The following CNTNAP2 variants were observed in gnomAD, a reference collection of about 807,000 sequenced individuals.
CNTNAP2 encodes contactin-associated protein-like 2.
Under a neutral mutation model 155.2 loss-of-function variants are expected in CNTNAP2, and 98 were observed. The ratio of observed to expected loss-of-function variants is 0.63; its 90% CI spans 0.54 to 0.75. The LOEUF is 0.75. CNTNAP2 is among the 30% of genes least tolerant of loss of function. The pLI, the probability that CNTNAP2 is intolerant of heterozygous loss-of-function variation, is 0.00. For synonymous variants in CNTNAP2, 651 were observed against 631.2 expected (o/e 1.03, Z -0.47); for missense variants, 1,727 against 1,688.1 (o/e 1.02, Z -0.40).
intron 15 of CNTNAP2, among the ~76,000 whole-genome samples, chr7:148,100,977 G>A (rs547811923): frequency 6.6e-6 from 1 of 152,196 alleles, no homozygotes; most frequent in Admixed American, 6.5e-5. Context: ...CATGTCCTTT[G>A]TAGGGACATG....
intron 3 of CNTNAP2, among the ~76,000 whole-genome samples, chr7:147,030,349 T>C (rs1799005924): frequency 6.6e-6 from 1 of 152,210 alleles, no homozygotes; most frequent in Non-Finnish European, 1.5e-5. Flanking sequence ...TTGAGTATTA[T>C]GCTTCTGCAA....
At chr7:148,353,816 G>A (rs1798468426) in intron 21 of CNTNAP2, among the ~76,000 whole-genome samples, 1 of 151,994 alleles carries the variant, frequency 6.6e-6, no homozygotes, top group Non-Finnish European at 1.5e-5. Context: ...ACATTTTTGG[G>A]GTACAAATTA....
At chr7:147,734,213 T>A (rs987778795) in intron 13 of CNTNAP2, among the ~76,000 whole-genome samples, 13 of 152,072 alleles carry the variant, frequency 8.5e-5, no homozygotes, top group African/African-American at 3.1e-4. Context: ...TTATTGAGAG[T>A]TTTTAGCATG....
At chr7:146,698,865 T>A (rs1206506363) in intron 1 of CNTNAP2, among the ~76,000 whole-genome samples, 1 of 152,144 alleles carries the variant, frequency 6.6e-6, no homozygotes, top group Non-Finnish European at 1.5e-5. Flanking sequence ...TATTGACATA[T>A]CTTCAAACAC....
chr7:147,979,318 CT>C (rs1801483632), intron 15 of CNTNAP2, among the ~76,000 whole-genome samples: 1 of 152,114 alleles, frequency 6.6e-6, no homozygotes, highest in South Asian at 2.1e-4. Flanking sequence ...TTAATTTCAA[CT>C]GCCTAAGAAA....
chr7:147,411,934 AAAAT>A (rs895536036), intron 10 of CNTNAP2, among the ~76,000 whole-genome samples: 2 of 152,226 alleles, frequency 1.3e-5, no homozygotes, highest in African/African-American at 4.8e-5. Flanking sequence ...CTTCCAGAAA[AAAAT>A]ATTTGATGCA....
At chr7:146,526,538 C>G (rs1020367817) in intron 1 of CNTNAP2, among the ~76,000 whole-genome samples, 2 of 152,130 alleles carry the variant, frequency 1.3e-5, no homozygotes, top group African/African-American at 4.8e-5. Context: ...GTCACAAGGA[C>G]AGCACCAAGG....
intron 11 of CNTNAP2, among the ~76,000 whole-genome samples, chr7:147,492,500 C>T (rs529618199): frequency 1.6e-4 from 25 of 152,130 alleles, no homozygotes; most frequent in Non-Finnish European, 3.4e-4. Context: ...ATAACATGAA[C>T]ATAAAAATCT....
intron 18 of CNTNAP2, among the ~76,000 whole-genome samples, chr7:148,202,121 C>T (rs190843332): frequency 3.9e-5 from 6 of 152,018 alleles, no homozygotes; most frequent in East Asian, 2.0e-4. Context: ...CAAGGAGTTG[C>T]GGTATTTCAT....
At chr7:148,191,271 T>C (rs1795199713) in intron 18 of CNTNAP2, among the ~76,000 whole-genome samples, 1 of 152,022 alleles carries the variant, frequency 6.6e-6, no homozygotes. Context: ...TCTCTCTCTC[T>C]CTCCCTCTCC....
At chr7:147,590,861 G>T (rs10262765) in intron 12 of CNTNAP2, among the ~76,000 whole-genome samples, 103,836 of 152,090 alleles carry the variant, frequency 0.68, 35,898 homozygotes, top group African/African-American at 0.78. Context: ...TTAAATGAGG[G>T]ATTGGAACAT....
intron 4 of CNTNAP2, among the ~76,000 whole-genome samples, chr7:147,099,339 A>C (rs536907611): frequency 6.6e-6 from 1 of 152,244 alleles, no homozygotes; most frequent in South Asian, 2.1e-4. Context: ...TGGGAAGACC[A>C]GTCCCTCTAG....
chr7:147,027,004 G>GAAAAAAAAAAAAAAAAAAAAAAGAA (rs57810224), intron 3 of CNTNAP2, among the ~76,000 whole-genome samples: 1 of 67,440 alleles, frequency 1.5e-5, no homozygotes, highest in Non-Finnish European at 2.9e-5. Flanking sequence ...AAACAGAACA[G>GAAAAAAAAAAAAAAAAAAAAAAGAA]AAAAAAAAAA....
At chr7:147,043,607 A>G (rs1481779849) in intron 3 of CNTNAP2, among the ~76,000 whole-genome samples, 1 of 152,228 alleles carries the variant, frequency 6.6e-6, no homozygotes. Context: ...TTAAATGCAA[A>G]ATATTAGAAC....
chr7:147,370,665 A>C (rs1033190707), intron 9 of CNTNAP2, among the ~76,000 whole-genome samples: 4 of 152,124 alleles, frequency 2.6e-5, no homozygotes, highest in African/African-American at 9.7e-5. Context: ...TAGATACCCA[A>C]TATATAGATA....
At chr7:148,247,625 C>CTT (rs373741779) in intron 20 of CNTNAP2, among the ~76,000 whole-genome samples, 11 of 105,314 alleles carry the variant, frequency 1.0e-4, no homozygotes, top group Admixed American at 3.1e-4. Context: ...CTCTCTCTCT[C>CTT]TATTTATTTA....
At position 148,055,933 on chromosome 7, in the gene CNTNAP2, G is replaced by C. The variant is rs886852730; in HGVS notation, c.2384-62185G>C. 7.2e-5 allele frequency among the ~76,000 whole-genome samples: 11 copies of C among 152,178 alleles called. No homozygotes were observed. The East Asian group carries it at 2.1e-3, about 29-fold the overall frequency. On this transcript the variant is annotated intron_variant, in intron 15 of 23. Transcript: ENST00000361727. ...CACAGCTAATTAAGCCAAGGTTCGG[G>C]GCTCATTCCTTAGGCCGTGATGTGC...
intron 12 of CNTNAP2, among the ~76,000 whole-genome samples, chr7:147,626,690 C>A (rs988299188): frequency 2.0e-5 from 3 of 152,196 alleles, no homozygotes; most frequent in African/African-American, 7.2e-5. Context: ...GGAAACACCA[C>A]CTTCTGGTTG....
chr7:147,864,513 T>A (rs1799193757), intron 13 of CNTNAP2, among the ~76,000 whole-genome samples: 1 of 151,558 alleles, frequency 6.6e-6, no homozygotes, highest in Admixed American at 6.6e-5. Flanking sequence ...GTAAATTACC[T>A]TGGGCAGTAT....
Sources: gnomAD v4.1 joint callset for allele counts (sites outside exome capture counted in the v4.1 genomes callset) on GRCh38, gnomAD v4.1.1 for gene constraint, MANE v1.5 for transcripts, NCBI Gene and HGNC (gene_info 2026-07-23, HGNC 2026-07-21) for gene names.